AGBL4: variants seen among roughly 807,000 people sequenced by gnomAD.
AGBL4 encodes the protein cytosolic carboxypeptidase 6.
A neutral mutation model predicts 66.4 loss-of-function variants in AGBL4; 58 were observed. The ratio of observed to expected loss-of-function variants is 0.87; its 90% confidence interval spans 0.71 to 1.09. AGBL4 has a LOEUF of 1.09. Among genes scored for constraint, AGBL4 ranks in the 50% least tolerant of loss-of-function variants. The pLI, the probability that AGBL4 is intolerant of heterozygous loss-of-function variation, is 0.00. For synonymous variants in AGBL4, 234 were observed against 222.9 expected (o/e 1.05, Z -0.44); for missense variants, 579 against 631.0 (o/e 0.92, Z 0.88).
At chr1:49,701,977 G>A (rs912051640) in intron 2 of AGBL4, among the ~76,000 whole-genome samples, 46 of 151,662 alleles carry the variant, frequency 3.0e-4, no homozygotes, top group Admixed American at 1.2e-3. Flanking sequence ...TGATGAAAAA[G>A]GGTAATTCCA....
At chr1:49,957,994 G>A (rs1656775312) in intron 1 of AGBL4, among the ~76,000 whole-genome samples, 3 of 152,122 alleles carry the variant, frequency 2.0e-5, no homozygotes. Context: ...GCAGTGGCTG[G>A]TACCGGTTGT....
chr1:48,698,088 T>C (rs1480946014), intron 6 of AGBL4, among the ~76,000 whole-genome samples: 1 of 152,122 alleles, frequency 6.6e-6, no homozygotes. Flanking sequence ...GTGTTCTCCC[T>C]CCACTGTACC....
chr1:49,463,613 G>C (rs1646562788), intron 3 of AGBL4, among the ~76,000 whole-genome samples: 1 of 151,674 alleles, frequency 6.6e-6, no homozygotes, highest in Admixed American at 6.6e-5. Context: ...AAGGTTATCA[G>C]TAAAGAAAGA....
intron 5 of AGBL4, among the ~76,000 whole-genome samples, chr1:48,967,581 G>C (rs1181397185): frequency 2.0e-5 from 3 of 152,128 alleles, no homozygotes; most frequent in Non-Finnish European, 4.4e-5. Flanking sequence ...TTCAAAAGTA[G>C]CAGAAGCTGA....
intron 3 of AGBL4, among the ~76,000 whole-genome samples, chr1:49,557,201 G>A (rs899087064): frequency 1.3e-5 from 2 of 152,088 alleles, no homozygotes; most frequent in African/African-American, 4.8e-5. Context: ...CTGCCAGAGC[G>A]GACGCTGAGG....
chr1:49,812,648 A>G (rs1288179903), intron 2 of AGBL4, among the ~76,000 whole-genome samples: 1 of 152,100 alleles, frequency 6.6e-6, no homozygotes, highest in East Asian at 1.9e-4. Flanking sequence ...AGAAATGTAG[A>G]CCACTAATGC....
intron 1 of AGBL4, among the ~76,000 whole-genome samples, chr1:49,915,746 C>T (rs1651387193): frequency 6.6e-6 from 1 of 152,082 alleles, no homozygotes; most frequent in African/African-American, 2.4e-5. Flanking sequence ...AGTGGTTCTC[C>T]CAGCAAGGAG....
intron 3 of AGBL4, among the ~76,000 whole-genome samples, chr1:49,370,888 G>C (rs1008642983): frequency 1.3e-5 from 2 of 152,202 alleles, no homozygotes; most frequent in African/African-American, 4.8e-5. Context: ...TAACATTTAA[G>C]TCAGTGAACT....
chr1:49,243,712 A>T (rs1365516684), intron 4 of AGBL4, among the ~76,000 whole-genome samples: 1 of 151,816 alleles, frequency 6.6e-6, no homozygotes, highest in Non-Finnish European at 1.5e-5. Context: ...AAAAAAAAAA[A>T]TCTAAACATC....
Position 49,024,966 on chromosome 1 carries a change from G to C in AGBL4, c.594+20618C>G, listed in dbSNP as rs535973936. ...TCTACTTACATTTTAACTAATAGGG[G>C]GTTTCTCTGGATATCTATCGGGGTA... On this transcript the variant is annotated intron_variant, in intron 5 of 13. Coordinates refer to ENST00000371839, the MANE Select transcript of AGBL4 (RefSeq NM_032785.4). Among the ~76,000 whole-genome samples the C allele has an allele frequency of 5.3e-5, 8 of 152,182 alleles. 1 individual carries two copies. In the South Asian group the frequency reaches 1.7e-3, roughly 32 times the overall value.
chr1:48,688,923 T>C (rs1646577805), intron 6 of AGBL4, among the ~76,000 whole-genome samples: 1 of 151,988 alleles, frequency 6.6e-6, no homozygotes, highest in African/African-American at 2.4e-5. Flanking sequence ...TGAAAGTTTC[T>C]ACTTTTGAGC....
chr1:49,522,402 G>T (rs958022574), intron 3 of AGBL4, among the ~76,000 whole-genome samples: 1 of 152,100 alleles, frequency 6.6e-6, no homozygotes, highest in East Asian at 1.9e-4. Flanking sequence ...TAGACCATAC[G>T]CAACATGCCT....
At chr1:48,853,318 C>G (rs902649908) in intron 6 of AGBL4, among the ~76,000 whole-genome samples, 13 of 152,280 alleles carry the variant, frequency 8.5e-5, no homozygotes, top group Admixed American at 3.9e-4. Context: ...ATGAGAGACC[C>G]CAAGCCAAAA....
intron 3 of AGBL4, among the ~76,000 whole-genome samples, chr1:49,577,930 G>A (rs1644468096): frequency 6.6e-6 from 1 of 152,096 alleles, no homozygotes; most frequent in Non-Finnish European, 1.5e-5. Context: ...TGGGATTCAT[G>A]GGTCCAGAAA....
chr1:49,684,126 A>G (rs1201037144), intron 3 of AGBL4, among the ~76,000 whole-genome samples: 1 of 152,186 alleles, frequency 6.6e-6, no homozygotes, highest in Non-Finnish European at 1.5e-5. Flanking sequence ...CTTTTCCCAT[A>G]TATCCAGCAA....
chr1:48,691,646 T>C (rs904399281), intron 6 of AGBL4, among the ~76,000 whole-genome samples: 1 of 152,206 alleles, frequency 6.6e-6, no homozygotes, highest in African/African-American at 2.4e-5. Context: ...CCAACTGCCA[T>C]GATCATTTGC....
intron 4 of AGBL4, among the ~76,000 whole-genome samples, chr1:49,117,049 C>T (rs889545033): frequency 6.6e-6 from 1 of 151,776 alleles, no homozygotes; most frequent in African/African-American, 2.4e-5. Flanking sequence ...ATATCCTTTG[C>T]CCACTTTTTG....
intron 6 of AGBL4, among the ~76,000 whole-genome samples, chr1:48,777,890 C>A (rs1645172931): frequency 6.6e-6 from 1 of 152,120 alleles, no homozygotes; most frequent in African/African-American, 2.4e-5. Context: ...GGTCTTTGCT[C>A]TGTCTCTTGC....
chr1:48,871,353 TTGTGTGTGTG>T (rs138337930), intron 5 of AGBL4, among the ~76,000 whole-genome samples: 7 of 141,092 alleles, frequency 5.0e-5, no homozygotes, highest in African/African-American at 1.8e-4. Flanking sequence ...GTAGTAGTGG[TTGTGTGTGTG>T]TGTGTGTGTG....
Sources: allele counts gnomAD v4.1 joint callset (sites outside exome capture counted in the v4.1 genomes callset), GRCh38; gene constraint gnomAD v4.1.1; transcripts MANE v1.5; gene names NCBI Gene and HGNC (gene_info 2026-07-23, HGNC 2026-07-21).